The following SEC31A variants were observed in gnomAD, a reference collection of about 807,000 sequenced individuals.
The protein encoded by SEC31A is SEC31 homolog A, COPII component.
In SEC31A, 70 loss-of-function variants were observed where a neutral mutation model predicts 151.0. That is an observed-to-expected ratio of 0.46 (90% CI 0.38 to 0.57). The LOEUF (loss-of-function observed/expected upper bound fraction) is 0.57, where lower values mean the gene tolerates loss of function less well. SEC31A is among the 20% of genes least tolerant of loss of function. The pLI is 0.00. For synonymous variants in SEC31A, 475 were observed against 505.9 expected (o/e 0.94, Z 0.82); for missense variants, 1,330 against 1,471.2 (o/e 0.90, Z 1.57).
chr4:82,833,721 T>G (rs1726559128), intron 22 of SEC31A, among the ~76,000 whole-genome samples: 1 of 152,124 alleles, frequency 6.6e-6, no homozygotes, highest in African/African-American at 2.4e-5. Flanking sequence ...GGAATGTCAG[T>G]ATGTCAGACA....
chr4:82,874,637 T>G lies in SEC31A; in HGVS notation c.613A>C (p.Ile205Leu), dbSNP rs1737515051. 6.2e-7 allele frequency: 1 copy of G among 1,610,378 alleles called. No homozygotes were observed. Among genetic ancestry groups the G allele is most frequent in the Admixed American group, 1.7e-5 (1 of 58,342 alleles). ...CTGTTACTATGGTCACTGACTTTGA[T>G]GATTGGCTCATTTTTTCTAAGATCC... ...VWDLRKNEPI[I>L]KVSDHSNRMH... Residue 205 changes from isoleucine (I) to leucine (L), a missense_variant, in exon 6 of 27, where the codon ATC becomes CTC. Coordinates refer to ENST00000395310, the MANE Select transcript of SEC31A (RefSeq NM_001077207.4).
chr4:82,869,039 T>C (rs1736043987), intron 8 of SEC31A, among the ~76,000 whole-genome samples: 1 of 152,198 alleles, frequency 6.6e-6, no homozygotes, highest in Non-Finnish European at 1.5e-5. Flanking sequence ...GTATTTATTT[T>C]GTTTGATAAG....
intron 18 of SEC31A, among the ~76,000 whole-genome samples, chr4:82,853,159 C>A (rs1731819001): frequency 2.0e-5 from 3 of 152,204 alleles, no homozygotes; most frequent in African/African-American, 7.2e-5. Flanking sequence ...TTACCTCTCA[C>A]TTTCATTTTC....
In SEC31A at chr4:82,861,642, G is replaced by C; in HGVS notation, c.1615C>G (p.Leu539Val). The C allele has an allele frequency of 6.2e-7, 1 of 1,606,156 alleles. No individual in the cohort carries two copies. ...GEESPAAEEQ[L>V]LGEHIKEEKE... ...AAAAAAATAAGTACCTCTCCCAAGA[G>C]CTGCTCTTCAGCAGCAGGGCTCTCC... Residue 539 changes from leucine to valine, a missense_variant, in exon 14 of 27, where the codon CTC becomes GTC. By Grantham distance (32) the Leu-to-Val change is conservative. Coordinates refer to ENST00000395310, the MANE Select transcript of SEC31A (RefSeq NM_001077207.4).
chr4:82,891,245 C>G, upstream of SEC31A: 1 of 1,408,814 alleles, frequency 7.1e-7, no homozygotes, highest in Non-Finnish European at 9.6e-7. Context: ...CCCAACACTT[C>G]CGGGAGCGAC....
chr4:82,865,479 G>A (rs938344064), intron 10 of SEC31A, among the ~76,000 whole-genome samples: 2 of 137,432 alleles, frequency 1.5e-5, no homozygotes, highest in Non-Finnish European at 3.2e-5. Flanking sequence ...ATTCACAATA[G>A]CCAAAAGGTG....
intron 10 of SEC31A, 73 bp from the exon 11 acceptor site, chr4:82,864,671 C>T: frequency 8.5e-7 from 1 of 1,175,220 alleles, no homozygotes; most frequent in East Asian, 2.4e-5. Flanking sequence ...ATAAAGTGGC[C>T]TAAACAGATA....
At chr4:82,874,841 G>GT (rs1737553835) in intron 5 of SEC31A, 90 bp from the exon 6 acceptor site, 2 of 1,461,468 alleles carry the variant, frequency 1.4e-6, no homozygotes, top group African/African-American at 1.4e-5. Context: ...TTTGAAAAGT[G>GT]TATTACTTAA....
At chr4:82,900,520 G>A in exon 1 of SEC31A, 2 of 486,860 alleles carry the variant, frequency 4.1e-6, no homozygotes, top group Non-Finnish European at 7.3e-6. Context: ...ACCGGTTGCA[G>A]CAAAACCCAC....
At position 82,857,689 on chromosome 4, in the gene SEC31A, C is replaced by G. The variant is rs758471293; in HGVS notation, c.1702G>C (p.Asp568His). The G allele has an allele frequency of 6.4e-7, 1 of 1,562,482 alleles. No homozygotes were observed. The highest frequency in any genetic ancestry group is 8.8e-7 in the Non-Finnish European group (1 of 1,135,712). The change falls in exon 15 of 27, where the codon GAC (aspartate) becomes CAC (histidine). Residue 568 changes from aspartate (D) to histidine (H), a missense_variant and splice_region_variant. By Grantham distance (81) the Asp-to-His change is moderately conservative. Transcript: ENST00000395310. ...GAAATCAAAACCAACAAGTACTTAC[C>G]CCCACTGACAGAGATATTAAATGTT... ...GGTFNISVSG[D>H]IDGLITQALL...
chr4:82,849,152 C>A (rs1329493187), intron 19 of SEC31A, among the ~76,000 whole-genome samples, 175 bp from the exon 20 acceptor site: 1 of 152,170 alleles, frequency 6.6e-6, no homozygotes, highest in African/African-American at 2.4e-5. Flanking sequence ...CTACTCAAGA[C>A]TGGCACCAAA....
rs1729131722 is a variant in SEC31A at position 82,842,446 on chromosome 4, C to T, written c.2662G>A (p.Gly888Arg). Residue 888 changes from glycine (G) to arginine (R), a missense_variant, in exon 22 of 27, where the codon GGG (glycine) becomes AGG (arginine). Physicochemically the swap from Gly to Arg is moderately radical, Grantham distance 125. Transcript: ENST00000395310. ...QPAQPYPFGT[G>R]GSAMYRPQQP... is the part of the protein sequence containing the mutation. Reference sequence around the variant, plus strand: ...TGAGGTCGATACATTGCTGACCCCCCTGTTCCGAAGGGATACGGCTGGGCT... The same window carrying T: ...TGAGGTCGATACATTGCTGACCCCCTTGTTCCGAAGGGATACGGCTGGGCT... 6.2e-7 allele frequency: 1 copy of T among 1,613,486 alleles called. No individual in the cohort carries two copies. Among genetic ancestry groups the T allele is most frequent in the African/African-American group, 1.3e-5 (1 of 75,018 alleles).
upstream of SEC31A, among the ~76,000 whole-genome samples, chr4:82,892,593 T>C (rs952506787): frequency 1.3e-5 from 2 of 152,240 alleles, no homozygotes; most frequent in Admixed American, 6.5e-5. Context: ...AAGTTTAATC[T>C]CTGGGGTCAA....
intron 14 of SEC31A, among the ~76,000 whole-genome samples, chr4:82,859,791 ATTTT>A (rs11319185): frequency 2.1e-5 from 3 of 140,400 alleles, no homozygotes; most frequent in African/African-American, 5.5e-5. Context: ...GCATAAAAAT[ATTTT>A]TTTTTTTTTT....
At chr4:82,837,148 T>C (rs1727496947) in intron 22 of SEC31A, among the ~76,000 whole-genome samples, 2 of 127,720 alleles carry the variant, frequency 1.6e-5, no homozygotes, top group East Asian at 2.3e-4. Context: ...ATGGTTAAAA[T>C]AAATTTTATC....
chr4:82,884,506 A>T (rs1372632547), intron 1 of SEC31A, among the ~76,000 whole-genome samples: 1 of 152,194 alleles, frequency 6.6e-6, no homozygotes, highest in African/African-American at 2.4e-5. Flanking sequence ...CACCACCAAC[A>T]TCGCACATCA....
At chr4:82,864,814 C>T (rs968297903) in intron 10 of SEC31A, among the ~76,000 whole-genome samples, 12 of 150,386 alleles carry the variant, frequency 8.0e-5, no homozygotes, top group African/African-American at 2.9e-4. Context: ...CGCTCTTAGT[C>T]ACCCAGGCTG....
Position 82,875,821 on chromosome 4 carries a change from G to A in SEC31A, c.404C>T (p.Thr135Ile), listed in dbSNP as rs1464216381. Residue 135 changes from threonine (T) to isoleucine (I), a missense_variant and splice_region_variant, in exon 5 of 27, where the codon ACT becomes ATT. Thr to Ile is a moderately conservative substitution (Grantham distance 89). Coordinates refer to ENST00000395310, the MANE Select transcript of SEC31A (RefSeq NM_001077207.4). ...VRALDVNIFQ[T>I]NLVASGANES... ...ATTAGCACCAGAAGCTACCAGATTA[G>A]TCTGCAAGAAGAAACCATAACTAAA... 1.3e-6 allele frequency: 2 copies of A among 1,577,286 alleles called. No individual in the cohort carries two copies. The highest frequency in any genetic ancestry group is 1.4e-5 in the African/African-American group (1 of 74,056).
chr4:82,883,473 G>T (rs569578894), intron 1 of SEC31A, among the ~76,000 whole-genome samples: 2 of 152,170 alleles, frequency 1.3e-5, no homozygotes, highest in Non-Finnish European at 2.9e-5. Flanking sequence ...AGTAATATAC[G>T]ATTACTTATT....
Sources: allele counts gnomAD v4.1 joint callset (sites outside exome capture counted in the v4.1 genomes callset), GRCh38; gene constraint gnomAD v4.1.1; transcripts MANE v1.5; gene names NCBI Gene and HGNC (gene_info 2026-07-23, HGNC 2026-07-21).